GRB10: variants seen among roughly 807,000 people sequenced by gnomAD.
GRB10 encodes growth factor receptor-bound protein 10.
Under a neutral mutation model 80.9 loss-of-function variants are expected in GRB10, and 20 were observed. The observed-to-expected ratio is 0.25, with a 90% CI of 0.17 to 0.36. The LOEUF (loss-of-function observed/expected upper bound fraction) is 0.36. Among genes scored for constraint, GRB10 ranks in the 10% least tolerant of loss-of-function variants. The pLI, the probability that GRB10 is intolerant of heterozygous loss-of-function variation, is 1.00. For missense variants in GRB10, 548 were observed against 747.7 expected, an observed-to-expected ratio of 0.73 and a Z score of 3.12; for synonymous variants, 291 against 291.5, an observed-to-expected ratio of 1.00 and a Z score of 0.02.
chr7:50,729,762 C>T (rs370885775), intron 4 of GRB10, among the ~76,000 whole-genome samples: 21 of 145,360 alleles, frequency 1.4e-4, no homozygotes, highest in Admixed American at 3.4e-4. Flanking sequence ...TCTCTCCCCC[C>T]GTTGTCCCAT....
At chr7:50,722,094 G>A (rs2153685575) in intron 4 of GRB10, among the ~76,000 whole-genome samples, 1 of 152,278 alleles carries the variant, frequency 6.6e-6, no homozygotes, top group South Asian at 2.1e-4. Flanking sequence ...CTCCTCTCCT[G>A]TCTCTCCTGC....
chr7:50,792,902 T>A (rs1181451187), intron 1 of GRB10: 3 of 148,052 alleles, frequency 2.0e-5, no homozygotes, highest in Non-Finnish European at 4.5e-5. Context: ...ATGCACCGCT[T>A]GGACTCCACA....
chr7:50,727,638 G>A (rs2068861416), intron 4 of GRB10, among the ~76,000 whole-genome samples: 1 of 151,856 alleles, frequency 6.6e-6, no homozygotes, highest in Non-Finnish European at 1.5e-5. Flanking sequence ...CAAACCAAAT[G>A]CCATCTATTT....
At chr7:50,649,404 C>G (rs140476091) in intron 7 of GRB10, among the ~76,000 whole-genome samples, 2 of 152,324 alleles carry the variant, frequency 1.3e-5, no homozygotes, top group Non-Finnish European at 2.9e-5. Context: ...GAAAGAGCCT[C>G]TGTGTGGAGA....
chr7:50,725,273 C>T (rs1207952631), intron 4 of GRB10, among the ~76,000 whole-genome samples: 1 of 152,212 alleles, frequency 6.6e-6, no homozygotes, highest in Admixed American at 6.5e-5. Context: ...CCCTTTTGTG[C>T]TCTTTTCCTC....
rs1479216414 is a variant in GRB10 at position 50,780,645 on chromosome 7, G to GATA, written c.-236_-235insTAT. ...TACATACCGAGAGGCAGTCAGCTCT[G>GATA]ATGTAGGTGGTTCAGAGGTCACACC... On this transcript the variant is annotated 5_prime_UTR_variant, in exon 2 of 19. Coordinates refer to ENST00000401949, the MANE Select transcript of GRB10 (RefSeq NM_001350814.2). The GATA allele has an allele frequency of 6.6e-6, 1 of 152,188 alleles. No individual in the cohort carries two copies. The highest frequency in any genetic ancestry group is 1.9e-4 in the East Asian group (1 of 5,186). The allele number at this position is 152,188 out of a possible 1,614,324, so 9.4% of individuals were successfully genotyped here. A position where few individuals can be genotyped will look rare whatever the true frequency, so the allele number is the denominator to read the frequency against.
chr7:50,604,272 C>T (rs1188646089), intron 16 of GRB10, 39 bp downstream of exon 16: 2 of 1,558,292 alleles, frequency 1.3e-6, no homozygotes, highest in Admixed American at 3.3e-5. Context: ...GTTTGATTTT[C>T]TTTATGTACA....
chr7:50,645,994 A>C (rs1554515332), intron 7 of GRB10, among the ~76,000 whole-genome samples: 1 of 152,174 alleles, frequency 6.6e-6, no homozygotes, highest in Non-Finnish European at 1.5e-5. Context: ...ACCCACCCAC[A>C]TACTTATAAA....
chr7:50,692,776 G>T (rs2062977291), intron 5 of GRB10, among the ~76,000 whole-genome samples: 1 of 152,114 alleles, frequency 6.6e-6, no homozygotes, highest in Admixed American at 6.5e-5. Context: ...GGGAGAAAGG[G>T]AAAAATACAA....
intron 3 of GRB10, among the ~76,000 whole-genome samples, chr7:50,743,932 C>T (rs1229685915): frequency 6.6e-6 from 1 of 152,176 alleles, no homozygotes; most frequent in Non-Finnish European, 1.5e-5. Flanking sequence ...AGGCTATCCA[C>T]AGGCAGGAGG....
chr7:50,694,070 T>C (rs2063149152), intron 5 of GRB10, among the ~76,000 whole-genome samples: 1 of 152,246 alleles, frequency 6.6e-6, no homozygotes, highest in African/African-American at 2.4e-5. Context: ...TCTGCAATCC[T>C]GGCTCATGCC....
chr7:50,753,514 A>C (rs921436681), intron 3 of GRB10, among the ~76,000 whole-genome samples: 6 of 152,158 alleles, frequency 3.9e-5, no homozygotes, highest in African/African-American at 2.4e-5. Flanking sequence ...AAAGTTTGGA[A>C]ACTACTTCCC....
At chr7:50,638,558 G>A (rs74873518) in intron 7 of GRB10, among the ~76,000 whole-genome samples, 1,769 of 152,128 alleles carry the variant, frequency 0.012, 21 homozygotes, top group Middle Eastern at 0.051. Flanking sequence ...CTTATACCAC[G>A]GAGAATGGCT....
intron 4 of GRB10, among the ~76,000 whole-genome samples, chr7:50,716,341 G>T (rs2066874172): frequency 6.6e-6 from 1 of 152,126 alleles, no homozygotes; most frequent in Admixed American, 6.5e-5. Context: ...TTTCCAAGAA[G>T]CTTCTTTCCA....
intron 7 of GRB10, among the ~76,000 whole-genome samples, chr7:50,644,722 C>A (rs551325545): frequency 3.6e-4 from 55 of 152,262 alleles, no homozygotes; most frequent in South Asian, 2.7e-3. Flanking sequence ...CTAGCAAGAG[C>A]GGGACATCAG....
intron 5 of GRB10, among the ~76,000 whole-genome samples, chr7:50,693,049 A>G (rs1359415652): frequency 6.6e-6 from 1 of 152,178 alleles, no homozygotes; most frequent in Admixed American, 6.5e-5. Flanking sequence ...TTTGCCAATA[A>G]TTATGCATGA....
chr7:50,776,546 C>T (rs1346786132), intron 2 of GRB10, among the ~76,000 whole-genome samples: 2 of 152,134 alleles, frequency 1.3e-5, no homozygotes, highest in African/African-American at 2.4e-5. Flanking sequence ...ATTATAAATT[C>T]CATTTTCAAT....
chr7:50,716,546 T>A (rs1264385111), intron 4 of GRB10, among the ~76,000 whole-genome samples: 1 of 152,166 alleles, frequency 6.6e-6, no homozygotes, highest in Non-Finnish European at 1.5e-5. Flanking sequence ...GCAGGCGATA[T>A]ATTAAAATGA....
intron 13 of GRB10, 56 bp downstream of exon 13, chr7:50,612,685 G>T: frequency 8.5e-7 from 1 of 1,176,482 alleles, no homozygotes; most frequent in Non-Finnish European, 1.3e-6. Context: ...CAAGTCCAGA[G>T]GCCAATTTTC....
Sources: allele counts gnomAD v4.1 joint callset (sites outside exome capture counted in the v4.1 genomes callset), GRCh38; gene constraint gnomAD v4.1.1; transcripts MANE v1.5; gene names NCBI Gene and HGNC (gene_info 2026-07-23, HGNC 2026-07-21).